BCAS3: variants seen among roughly 807,000 people sequenced by gnomAD.
The protein encoded by BCAS3 is BCAS3 microtubule associated cell migration factor.
BCAS3 carries 53 observed loss-of-function variants against 116.1 expected under a neutral mutation model. The ratio of observed to expected loss-of-function variants is 0.46; its 90% CI spans 0.37 to 0.57. BCAS3 has a LOEUF of 0.57. BCAS3 is among the 20% of genes least tolerant of loss of function. BCAS3 has a pLI of 0.00. For synonymous variants in BCAS3, 391 were observed against 408.2 expected (o/e 0.96, Z 0.51); for missense variants, 917 against 1,165.4 (o/e 0.79, Z 3.10).
chr17:60,762,374 G>A (rs1486836026), intron 6 of BCAS3, among the ~76,000 whole-genome samples: 1 of 152,108 alleles, frequency 6.6e-6, no homozygotes, highest in South Asian at 2.1e-4. Flanking sequence ...ATTAATTTTT[G>A]TGTAAAGTGT....
intron 14 of BCAS3, among the ~76,000 whole-genome samples, chr17:60,980,873 C>G (rs987197286): frequency 6.6e-6 from 1 of 151,960 alleles, no homozygotes; most frequent in African/African-American, 2.4e-5. Flanking sequence ...GGCAGGTTTT[C>G]ACACTGCTGG....
intron 9 of BCAS3, among the ~76,000 whole-genome samples, chr17:60,889,344 C>T (rs1179985903): frequency 6.6e-6 from 1 of 152,166 alleles, no homozygotes; most frequent in Non-Finnish European, 1.5e-5. Context: ...TCTCTCCTCT[C>T]CCAAAATTCT....
intron 14 of BCAS3, among the ~76,000 whole-genome samples, chr17:60,968,855 C>T (rs2061797947): frequency 2.0e-5 from 3 of 152,140 alleles, no homozygotes; most frequent in Admixed American, 6.5e-5. Context: ...GGCCTGTCCT[C>T]AGGGTTGTTT....
At chr17:61,093,157 C>T (rs909635514) in intron 22 of BCAS3, among the ~76,000 whole-genome samples, 2 of 152,076 alleles carry the variant, frequency 1.3e-5, no homozygotes, top group African/African-American at 4.8e-5. Context: ...ATCTGCCTGC[C>T]TCGGCCTCCC....
rs1667287051 is a variant in BCAS3, at chr17:61,088,304, G to C, written c.2425+3740G>C. ...TCATTTTGGAAATGGACACATTATA[G>C]GATTTTAACCTAAGACACAGGCTAC... On this transcript the variant is annotated intron_variant, in intron 22 of 23. Transcript: ENST00000407086. The surrounding 1 kb of genome is among the most constrained non-coding windows in gnomAD (Gnocchi z 4.2). 6.6e-6 allele frequency among the ~76,000 whole-genome samples: 1 copy of C among 152,184 alleles called. No individual in the cohort carries two copies. The highest frequency in any genetic ancestry group is 6.5e-5 in the Admixed American group (1 of 15,274).
chr17:61,147,039 C>T (rs1246903560), intron 22 of BCAS3, among the ~76,000 whole-genome samples: 1 of 151,542 alleles, frequency 6.6e-6, no homozygotes, highest in Admixed American at 6.6e-5. Flanking sequence ...CTCATCCTCC[C>T]GAGTAGTTGG....
At chr17:60,782,557 A>G (rs1041316260) in intron 6 of BCAS3, among the ~76,000 whole-genome samples, 4 of 137,810 alleles carry the variant, frequency 2.9e-5, no homozygotes, top group South Asian at 2.2e-4. Flanking sequence ...GTTGGTCTTT[A>G]TAAGTTATTA....
intron 13 of BCAS3, among the ~76,000 whole-genome samples, chr17:60,938,528 A>G (rs1274992054): frequency 6.6e-6 from 1 of 152,200 alleles, no homozygotes; most frequent in East Asian, 1.9e-4. Flanking sequence ...TAGGCTTAGC[A>G]TAAACACTAA....
rs1485878211 is a variant in BCAS3, at chr17:61,189,066, A to G, written c.2425+104502A>G. Among the ~76,000 whole-genome samples, 3 of 152,100 alleles carry G rather than the reference A, an allele frequency of 2.0e-5. No individual in the cohort carries two copies. The highest frequency in any genetic ancestry group is 6.6e-5 in the Admixed American group (1 of 15,258). On this transcript the variant is annotated intron_variant, in intron 22 of 23. Transcript: ENST00000407086. This position sits in a 1 kb window ranked among gnomAD's most constrained non-coding sequence, Gnocchi z 4.5. ...TGCAGTGAGCTGCTATTATGCCCCT[A>G]CACTCCAGCCTGGGTGACAAAACAA...
chr17:60,747,067 A>C (rs899834988), intron 5 of BCAS3, 131 bp from the exon 6 acceptor site: 1 of 549,280 alleles, frequency 1.8e-6, no homozygotes, highest in African/African-American at 1.9e-5. Flanking sequence ...ACCAATGATA[A>C]ATGGGTGTGG....
rs187201318 is a variant in BCAS3 at position 61,198,873 on chromosome 17, T to C, written c.2425+114309T>C. ...GGATTGGTTTAACGTAATTGGAAGT[T>C]TGAAAGGTACATGTTTCTAAAGCTT... On this transcript the variant is annotated intron_variant, in intron 22 of 23. Coordinates refer to ENST00000407086, the MANE Select transcript of BCAS3 (RefSeq NM_017679.5). This position sits in a 1 kb window ranked among gnomAD's most constrained non-coding sequence, Gnocchi z 5.0. Among the ~76,000 whole-genome samples, 49 of 152,354 alleles carry C rather than the reference T, an allele frequency of 3.2e-4. No homozygotes were observed. Among genetic ancestry groups the C allele is most frequent in the African/African-American group, 1.1e-3 (45 of 41,574 alleles).
intron 22 of BCAS3, among the ~76,000 whole-genome samples, chr17:61,275,442 T>C (rs2050684154): frequency 1.3e-5 from 2 of 152,114 alleles, no homozygotes; most frequent in Non-Finnish European, 2.9e-5. Context: ...CTGAATGTTG[T>C]GCAGGGCTGA....
chr17:60,782,926 G>A (rs2045958474), intron 6 of BCAS3, among the ~76,000 whole-genome samples: 1 of 151,906 alleles, frequency 6.6e-6, no homozygotes. Flanking sequence ...ACTCTGTCAT[G>A]CCAATTAAAT....
rs2063640317 is a variant in BCAS3 at position 60,993,210 on chromosome 17, T to TA, written c.1486+2976dup. On this transcript the variant is annotated intron_variant, in intron 15 of 23. Transcript: ENST00000407086. This position sits in a 1 kb window ranked among gnomAD's most constrained non-coding sequence, Gnocchi z 4.2. The stretch of plus-strand genomic sequence containing the variant: ...CAGATATTAAATGACTGTGAACAAA[T>TA]ACCTTTCAATATACTTTTGTTGAAG... Among the ~76,000 whole-genome samples, 2 of 152,184 alleles carry TA rather than the reference T, an allele frequency of 1.3e-5. No individual in the cohort carries two copies. Among genetic ancestry groups the TA allele is most frequent in the South Asian group, 4.1e-4 (2 of 4,834 alleles).
In BCAS3 at chr17:60,751,795, G is replaced by A. The variant is rs1250865092; in HGVS notation, c.403+4516G>A. Among the ~76,000 whole-genome samples, 8 of 152,078 alleles carry A rather than the reference G, an allele frequency of 5.3e-5. No individual in the cohort carries two copies. In the East Asian group the frequency reaches 1.5e-3, roughly 29 times the overall value. Reference sequence around the variant, plus strand: ...TGACCTCAGGTGATCCACCTGCCTCGGCCTTCCAAAGTGCTGGGATTACAG... The same window carrying A: ...TGACCTCAGGTGATCCACCTGCCTCAGCCTTCCAAAGTGCTGGGATTACAG... On this transcript the variant is annotated intron_variant, in intron 6 of 23. Coordinates refer to ENST00000407086, the MANE Select transcript of BCAS3 (RefSeq NM_017679.5).
chr17:61,353,151 G>T (rs1163371691), intron 22 of BCAS3, among the ~76,000 whole-genome samples: 7 of 152,178 alleles, frequency 4.6e-5, no homozygotes, highest in Admixed American at 4.6e-4. Flanking sequence ...GTCTGCTCCT[G>T]CTTCTGTCAC....
At position 61,235,564 on chromosome 17, in the gene BCAS3, T is replaced by C. The variant is rs1568632494; in HGVS notation, c.2426-132763T>C. ...ACAGAAGTACAGTGAAATATGAGAT[T>C]CCTGAGCCTTTAGTGGATGCTGAGC... On this transcript the variant is annotated intron_variant, in intron 22 of 23. Transcript: ENST00000407086. This position sits in a 1 kb window ranked among gnomAD's most constrained non-coding sequence, Gnocchi z 5.0. Among the ~76,000 whole-genome samples, 1 of 152,140 alleles carries C rather than the reference T, an allele frequency of 6.6e-6. No individual in the cohort carries two copies. Among genetic ancestry groups the C allele is most frequent in the Admixed American group, 6.5e-5 (1 of 15,278 alleles).
At chr17:61,060,115 T>A (rs1410916294) in intron 19 of BCAS3, among the ~76,000 whole-genome samples, 2 of 140,142 alleles carry the variant, frequency 1.4e-5, no homozygotes, top group Non-Finnish European at 2.9e-5. Flanking sequence ...CCTAAATATA[T>A]TTTTTTTATT....
At chr17:61,079,608 T>C (rs553591652) in intron 21 of BCAS3, among the ~76,000 whole-genome samples, 2 of 152,172 alleles carry the variant, frequency 1.3e-5, no homozygotes, top group East Asian at 1.9e-4. Flanking sequence ...TTTTATTTTA[T>C]TTTTTGAGAC....
Sources: gnomAD v4.1 joint callset for allele counts (sites outside exome capture counted in the v4.1 genomes callset) on GRCh38, gnomAD v4.1.1 for gene constraint, Gnocchi (gnomAD v3.1) non-coding constraint, MANE v1.5 for transcripts, NCBI Gene and HGNC (gene_info 2026-07-23, HGNC 2026-07-21) for gene names.